The following GPC5 variants were observed in gnomAD, a reference collection of about 807,000 sequenced individuals.
The protein encoded by GPC5 is glypican 5.
Under a neutral mutation model 53.9 loss-of-function variants are expected in GPC5, and 47 were observed. The observed-to-expected ratio is 0.87, with a 90% CI of 0.69 to 1.11. GPC5 has a LOEUF of 1.11. GPC5 is among the 50% of genes most tolerant of loss of function. The pLI is 0.00. For synonymous variants in GPC5, 286 were observed against 263.3 expected (o/e 1.09, Z -0.84); for missense variants, 748 against 713.1 (o/e 1.05, Z -0.56).
At chr13:91,849,709 G>A (rs899667138) in intron 5 of GPC5, among the ~76,000 whole-genome samples, 3 of 152,102 alleles carry the variant, frequency 2.0e-5, no homozygotes, top group Non-Finnish European at 4.4e-5. Flanking sequence ...TTGAGCTTTT[G>A]ATCGAGGGAA....
intron 7 of GPC5, among the ~76,000 whole-genome samples, chr13:92,805,644 C>T (rs1877068149): frequency 6.6e-6 from 1 of 151,774 alleles, no homozygotes; most frequent in African/African-American, 2.4e-5. Flanking sequence ...CACTTTGTTT[C>T]CTATGTTGCT....
At chr13:92,795,582 G>C (rs571286910) in intron 7 of GPC5, among the ~76,000 whole-genome samples, 2 of 152,240 alleles carry the variant, frequency 1.3e-5, no homozygotes, top group East Asian at 3.9e-4. Context: ...TACCATCAGA[G>C]TGAACAGGCA....
intron 4 of GPC5, among the ~76,000 whole-genome samples, chr13:91,748,104 T>C (rs994392234): frequency 6.6e-6 from 1 of 152,202 alleles, no homozygotes; most frequent in African/African-American, 2.4e-5. Context: ...AATGTATAGA[T>C]AGGACAGGAG....
At chr13:91,593,757 G>C (rs959814244) in intron 2 of GPC5, among the ~76,000 whole-genome samples, 1 of 151,846 alleles carries the variant, frequency 6.6e-6, no homozygotes, top group African/African-American at 2.4e-5. Context: ...TTTTCAATCA[G>C]TGAAAAAAAC....
intron 6 of GPC5, among the ~76,000 whole-genome samples, chr13:92,144,626 A>T (rs1484427962): frequency 6.6e-6 from 1 of 152,226 alleles, no homozygotes; most frequent in Non-Finnish European, 1.5e-5. Flanking sequence ...ACTAATACAT[A>T]GAGTGTAGCT....
intron 7 of GPC5, among the ~76,000 whole-genome samples, chr13:92,299,738 C>G (rs1404378754): frequency 6.6e-6 from 1 of 152,094 alleles, no homozygotes; most frequent in African/African-American, 2.4e-5. Context: ...TCCTATGTAT[C>G]TAAAATTGTG....
chr13:91,707,378 T>A (rs536961), intron 3 of GPC5, among the ~76,000 whole-genome samples: 26,210 of 152,098 alleles, frequency 0.17, 2,814 homozygotes, highest in African/African-American at 0.3. Context: ...ATCCCAGTGC[T>A]TTGGGAGGCC....
intron 7 of GPC5, among the ~76,000 whole-genome samples, chr13:92,814,538 G>A (rs1877399976): frequency 6.6e-6 from 1 of 151,614 alleles, no homozygotes; most frequent in South Asian, 2.1e-4. Flanking sequence ...GCAGAAGCTA[G>A]TAGTTCCAGC....
chr13:91,988,789 G>A (rs189684944), intron 6 of GPC5, among the ~76,000 whole-genome samples: 75 of 152,096 alleles, frequency 4.9e-4, no homozygotes, highest in Non-Finnish European at 6.8e-4. Flanking sequence ...TTTGTTATGT[G>A]GAATACTCTA....
At chr13:91,733,656 T>A (rs557470706) in intron 4 of GPC5, among the ~76,000 whole-genome samples, 2 of 152,348 alleles carry the variant, frequency 1.3e-5, no homozygotes, top group East Asian at 3.9e-4. Flanking sequence ...TAGGAATGCT[T>A]GTGATTTTTG....
chr13:92,838,492 AAAAAAAAG>A (rs1878303259), intron 7 of GPC5, among the ~76,000 whole-genome samples: 2 of 151,494 alleles, frequency 1.3e-5, no homozygotes, highest in African/African-American at 2.4e-5. Context: ...CCCCCCCAAA[AAAAAAAAG>A]AAAAAAAAGA....
chr13:92,140,254 G>A (rs9516017), intron 6 of GPC5, among the ~76,000 whole-genome samples: 87,076 of 152,042 alleles, frequency 0.57, 25,297 homozygotes, highest in Non-Finnish European at 0.61. Context: ...AGAACAGATT[G>A]ATGGTTCTGC....
At chr13:91,796,584 T>C (rs1248022301) in intron 5 of GPC5, among the ~76,000 whole-genome samples, 2 of 152,144 alleles carry the variant, frequency 1.3e-5, no homozygotes, top group Non-Finnish European at 2.9e-5. Context: ...TTTAGCCTGA[T>C]TGGTATTTTA....
intron 7 of GPC5, among the ~76,000 whole-genome samples, chr13:92,720,307 C>A (rs1335954841): frequency 6.6e-6 from 1 of 152,136 alleles, no homozygotes; most frequent in Non-Finnish European, 1.5e-5. Context: ...GAAACCAGTT[C>A]ATTCAATGAA....
At chr13:92,192,037 A>C (rs2042226194) in intron 7 of GPC5, among the ~76,000 whole-genome samples, 1 of 152,190 alleles carries the variant, frequency 6.6e-6, no homozygotes, top group Non-Finnish European at 1.5e-5. Flanking sequence ...GGAAAAGGAA[A>C]AATTATGGTG....
intron 6 of GPC5, among the ~76,000 whole-genome samples, chr13:92,091,554 C>T (rs1470787330): frequency 6.6e-6 from 1 of 151,914 alleles, no homozygotes; most frequent in Non-Finnish European, 1.5e-5. Flanking sequence ...CTATAATATA[C>T]CAGTCCCTGC....
At chr13:91,636,159 C>T (rs2034279654) in intron 2 of GPC5, among the ~76,000 whole-genome samples, 2 of 151,998 alleles carry the variant, frequency 1.3e-5, no homozygotes, top group African/African-American at 4.8e-5. Flanking sequence ...ATTTATGCTT[C>T]AATTTTATTG....
chr13:92,665,341 G>A (rs1274173126), intron 7 of GPC5, among the ~76,000 whole-genome samples: 2 of 152,132 alleles, frequency 1.3e-5, no homozygotes, highest in Non-Finnish European at 2.9e-5. Context: ...AAAACTCTAA[G>A]AAAGGAAAGG....
intron 2 of GPC5, among the ~76,000 whole-genome samples, chr13:91,692,186 G>GTAAAT (rs2035770986): frequency 6.6e-6 from 1 of 152,128 alleles, no homozygotes. Flanking sequence ...ATATCCCACA[G>GTAAAT]TAAAGTCTTT....
Sources: gnomAD v4.1 joint callset for allele counts (sites outside exome capture counted in the v4.1 genomes callset) on GRCh38, gnomAD v4.1.1 for gene constraint, MANE v1.5 for transcripts, NCBI Gene and HGNC (gene_info 2026-07-23, HGNC 2026-07-21) for gene names.